The following PALM2AKAP2 variants were observed in gnomAD, a reference collection of about 807,000 sequenced individuals.
PALM2AKAP2 encodes the protein PALM2 and AKAP2 fusion.
PALM2AKAP2 carries 37 observed loss-of-function variants against 71.5 expected under a neutral mutation model. The observed-to-expected ratio is 0.52, with a 90% CI of 0.40 to 0.68. PALM2AKAP2 has a LOEUF of 0.68. Among genes scored for constraint, PALM2AKAP2 ranks in the 30% least tolerant of loss-of-function variants. The pLI is 0.00. For missense variants in PALM2AKAP2, 1,224 were observed against 1,191.8 expected (o/e 1.03, Z -0.40); for synonymous variants, 468 against 478.8 (o/e 0.98, Z 0.29).
chr9:110,037,570 A>G (rs1308977873), intron 7 of PALM2AKAP2, among the ~76,000 whole-genome samples: 2 of 152,212 alleles, frequency 1.3e-5, no homozygotes, highest in Admixed American at 1.3e-4. Flanking sequence ...AAATTAACAA[A>G]AGAGACCAGG....
At chr9:110,113,677 G>A (rs1189282961) in intron 1 of PALM2AKAP2, among the ~76,000 whole-genome samples, 1 of 151,896 alleles carries the variant, frequency 6.6e-6, no homozygotes, top group Non-Finnish European at 1.5e-5. Context: ...GATTACAGGC[G>A]CCTGCCACCA....
intron 6 of PALM2AKAP2, among the ~76,000 whole-genome samples, chr9:109,990,126 C>T (rs912603203): frequency 6.2e-5 from 9 of 144,770 alleles, no homozygotes; most frequent in African/African-American, 2.3e-4. Context: ...GGCTGGAGTG[C>T]AGTGGTATGA....
chr9:109,898,727 T>G (rs541595871), intron 3 of PALM2AKAP2, among the ~76,000 whole-genome samples: 3 of 152,346 alleles, frequency 2.0e-5, no homozygotes, highest in African/African-American at 7.2e-5. Flanking sequence ...TGACTCCATT[T>G]TTCTTCTGCA....
chr9:110,082,109 CAG>C (rs1346440146), intron 1 of PALM2AKAP2, among the ~76,000 whole-genome samples: 2 of 145,834 alleles, frequency 1.4e-5, no homozygotes, highest in Admixed American at 6.7e-5. Flanking sequence ...TTTTTTGAGA[CAG>C]AGTCTCGCTC....
At chr9:109,802,063 T>G (rs1282342811) in intron 1 of PALM2AKAP2, among the ~76,000 whole-genome samples, 1 of 152,008 alleles carries the variant, frequency 6.6e-6, no homozygotes, top group Non-Finnish European at 1.5e-5. Context: ...CTTTGGAGAG[T>G]CTGTGTATGC....
chr9:110,119,341 C>CAAAAAAAA (rs200861093), intron 1 of PALM2AKAP2, among the ~76,000 whole-genome samples: 1 of 88,926 alleles, frequency 1.1e-5, no homozygotes, highest in Non-Finnish European at 2.4e-5. Flanking sequence ...GACTCCATCT[C>CAAAAAAAA]AAAAAAAAAA....
chr9:110,025,300 C>T, intron 7 of PALM2AKAP2: 3 of 1,206,660 alleles, frequency 2.5e-6, no homozygotes, highest in South Asian at 2.4e-5. Context: ...TCCATGTTTT[C>T]TAAAAGGCCT....
intron 1 of PALM2AKAP2, among the ~76,000 whole-genome samples, chr9:109,707,467 G>T (rs529406404): frequency 1.3e-5 from 2 of 152,280 alleles, no homozygotes; most frequent in East Asian, 3.9e-4. Context: ...CTGATGGCAG[G>T]TGAGCAGTGA....
intron 2 of PALM2AKAP2, among the ~76,000 whole-genome samples, chr9:110,143,599 T>C (rs561254376): frequency 6.6e-6 from 1 of 152,302 alleles, no homozygotes; most frequent in Non-Finnish European, 1.5e-5. Flanking sequence ...TCTTTTCATA[T>C]TGGGGTTGCC....
intron 1 of PALM2AKAP2, among the ~76,000 whole-genome samples, chr9:109,673,410 G>T (rs1035432780): frequency 6.6e-6 from 1 of 152,046 alleles, no homozygotes; most frequent in Non-Finnish European, 1.5e-5. Context: ...TAATTGTATG[G>T]TTTTGAGTAA....
chr9:110,006,338 C>CTTTCT (rs1832783393), intron 6 of PALM2AKAP2, among the ~76,000 whole-genome samples: 1 of 123,270 alleles, frequency 8.1e-6, no homozygotes, highest in African/African-American at 3.2e-5. Context: ...TTCTTTCTTT[C>CTTTCT]TTTCTTTCTT....
intron 1 of PALM2AKAP2, among the ~76,000 whole-genome samples, chr9:110,055,915 C>T (rs1343897874): frequency 6.6e-6 from 1 of 152,160 alleles, no homozygotes; most frequent in Non-Finnish European, 1.5e-5. Context: ...AGAGAGGATT[C>T]CTCAGGTGGC....
At chr9:109,888,711 CAAAA>C (rs34495775) in intron 3 of PALM2AKAP2, among the ~76,000 whole-genome samples, 2 of 98,814 alleles carry the variant, frequency 2.0e-5, no homozygotes, top group Non-Finnish European at 3.8e-5. Flanking sequence ...ATTTTGCCTC[CAAAA>C]AAAAAAAAAA....
Position 110,072,347 on chromosome 9 carries a change from G to A in PALM2AKAP2, c.156+23492G>A, listed in dbSNP as rs527918380. On this transcript the variant is annotated intron_variant, in intron 1 of 3. Coordinates refer to ENST00000374525, the Ensembl canonical transcript of PALM2AKAP2. ...GCTCTGTGGCTAAGGGTGGCAAGGG[G>A]CCCATCAGAATGGAGCAGTCCCTGA... 3.3e-5 allele frequency among the ~76,000 whole-genome samples: 5 copies of A among 152,270 alleles called. No individual in the cohort carries two copies. The East Asian group carries it at 9.7e-4, about 29-fold the overall frequency.
chr9:109,784,212 C>A (rs557339853), intron 1 of PALM2AKAP2, among the ~76,000 whole-genome samples: 3 of 152,160 alleles, frequency 2.0e-5, no homozygotes, highest in Non-Finnish European at 2.9e-5. Context: ...CAGAAAGGCA[C>A]GGTGTGAAAT....
At chr9:109,843,150 A>AAAAAAG in intron 1 of PALM2AKAP2, among the ~76,000 whole-genome samples, 1 of 149,736 alleles carries the variant, frequency 6.7e-6, no homozygotes, top group Non-Finnish European at 1.5e-5. Context: ...CAAAAAAAAA[A>AAAAAAG]AAAAAAAAAA....
intron 6 of PALM2AKAP2, among the ~76,000 whole-genome samples, chr9:109,933,281 G>T (rs1238717129): frequency 6.6e-6 from 1 of 152,074 alleles, no homozygotes; most frequent in Non-Finnish European, 1.5e-5. Context: ...AGTACTCCAG[G>T]GTACACTTCT....
At chr9:110,018,638 T>C (rs1588061378) in intron 7 of PALM2AKAP2, among the ~76,000 whole-genome samples, 1 of 152,174 alleles carries the variant, frequency 6.6e-6, no homozygotes. Flanking sequence ...GCCAGCAAAA[T>C]AGAAATATAT....
At chr9:110,103,053 T>C (rs1291536618) in intron 1 of PALM2AKAP2, among the ~76,000 whole-genome samples, 1 of 152,184 alleles carries the variant, frequency 6.6e-6, no homozygotes, top group African/African-American at 2.4e-5. Context: ...TGTGACTTAG[T>C]TCACTTCCCA....
Sources: gnomAD v4.1 joint callset for allele counts (sites outside exome capture counted in the v4.1 genomes callset) on GRCh38, gnomAD v4.1.1 for gene constraint, MANE v1.5 for transcripts, NCBI Gene and HGNC (gene_info 2026-07-23, HGNC 2026-07-21) for gene names.